PPP1R9A: variants seen among roughly 807,000 people sequenced by gnomAD.
The protein encoded by PPP1R9A is neurabin-1.
Under a neutral mutation model 141.9 loss-of-function variants are expected in PPP1R9A, and 59 were observed. The ratio of observed to expected loss-of-function variants is 0.42; its 90% CI spans 0.34 to 0.52. PPP1R9A has a LOEUF of 0.52. Ranked by LOEUF, PPP1R9A falls within the 20% of genes least tolerant of loss-of-function variation. PPP1R9A has a pLI of 0.10. For missense variants in PPP1R9A, 1,444 were observed against 1,611.9 expected (o/e 0.90, Z 1.78); for synonymous variants, 500 against 569.7 (o/e 0.88, Z 1.74).
intron 5 of PPP1R9A, among the ~76,000 whole-genome samples, chr7:95,163,226 C>A (rs1420415869): frequency 6.6e-6 from 1 of 152,168 alleles, no homozygotes; most frequent in Non-Finnish European, 1.5e-5. Flanking sequence ...ATAGCCATCC[C>A]TTTTTTCCCC....
intron 2 of PPP1R9A, among the ~76,000 whole-genome samples, chr7:95,033,655 T>G (rs1808025214): frequency 6.6e-6 from 1 of 152,218 alleles, no homozygotes; most frequent in Admixed American, 6.5e-5. Context: ...GTGTTCACAT[T>G]AAGTCCTGAA....
chr7:95,124,924 A>G (rs1823297460), intron 4 of PPP1R9A, among the ~76,000 whole-genome samples: 1 of 152,014 alleles, frequency 6.6e-6, no homozygotes, highest in South Asian at 2.1e-4. Flanking sequence ...CATTTTGAGT[A>G]GTTTAAAAAA....
At chr7:95,042,621 T>G (rs1809418286) in intron 2 of PPP1R9A, among the ~76,000 whole-genome samples, 1 of 152,164 alleles carries the variant, frequency 6.6e-6, no homozygotes, top group South Asian at 2.1e-4. Flanking sequence ...CAAAATAATA[T>G]CTTTCTGTTC....
At chr7:95,001,746 G>T (rs554251346) in intron 2 of PPP1R9A, among the ~76,000 whole-genome samples, 34 of 152,138 alleles carry the variant, frequency 2.2e-4, no homozygotes, top group African/African-American at 8.0e-4. Context: ...CTGAAAGCTG[G>T]AGCCTACATT....
At chr7:94,938,218 A>T (rs1374894572) in intron 2 of PPP1R9A, among the ~76,000 whole-genome samples, 4 of 152,214 alleles carry the variant, frequency 2.6e-5, no homozygotes, top group Middle Eastern at 3.4e-3. Context: ...CATGAACCCT[A>T]TTGTGAACTC....
intron 14 of PPP1R9A, among the ~76,000 whole-genome samples, chr7:95,272,333 A>G (rs1367283325): frequency 6.6e-6 from 1 of 152,228 alleles, no homozygotes; most frequent in Non-Finnish European, 1.5e-5. Flanking sequence ...AAGAAAATTT[A>G]AATCTTGCTT....
At chr7:95,195,806 T>A (rs2152846812) in intron 5 of PPP1R9A, among the ~76,000 whole-genome samples, 1 of 152,152 alleles carries the variant, frequency 6.6e-6, no homozygotes, top group Non-Finnish European at 1.5e-5. Context: ...ATCCCAGCAC[T>A]TTGGGGGGCC....
At chr7:94,979,770 C>A (rs1418140192) in intron 2 of PPP1R9A, among the ~76,000 whole-genome samples, 1 of 152,128 alleles carries the variant, frequency 6.6e-6, no homozygotes, top group Non-Finnish European at 1.5e-5. Flanking sequence ...GCAGATGTCT[C>A]CTATGTCCTA....
chr7:95,139,069 T>G (rs1422352388), intron 4 of PPP1R9A, among the ~76,000 whole-genome samples: 1 of 152,214 alleles, frequency 6.6e-6, no homozygotes, highest in Non-Finnish European at 1.5e-5. Context: ...TTATTCATAA[T>G]AGACAAAATC....
intron 2 of PPP1R9A, among the ~76,000 whole-genome samples, chr7:95,052,792 G>A (rs979186873): frequency 2.6e-5 from 4 of 152,170 alleles, no homozygotes; most frequent in Non-Finnish European, 5.9e-5. Flanking sequence ...ACTTAGGACA[G>A]CAATCTTGAA....
intron 5 of PPP1R9A, among the ~76,000 whole-genome samples, chr7:95,171,937 A>T (rs1832174281): frequency 6.6e-6 from 1 of 151,648 alleles, no homozygotes; most frequent in Non-Finnish European, 1.5e-5. Context: ...TCCAATAGCC[A>T]GGTGACATTT....
chr7:95,152,861 T>C (rs1828952176), intron 4 of PPP1R9A, among the ~76,000 whole-genome samples: 1 of 147,196 alleles, frequency 6.8e-6, no homozygotes, highest in African/African-American at 2.5e-5. Flanking sequence ...TTTTTTTTCT[T>C]TGAGGCAGAG....
At chr7:95,099,016 C>G (rs562953064) in intron 2 of PPP1R9A, among the ~76,000 whole-genome samples, 1 of 152,216 alleles carries the variant, frequency 6.6e-6, no homozygotes, top group Non-Finnish European at 1.5e-5. Context: ...CATGTGTGCA[C>G]ACACATACAC....
intron 2 of PPP1R9A, among the ~76,000 whole-genome samples, chr7:95,007,151 C>T (rs779379584): frequency 6.6e-6 from 1 of 152,170 alleles, no homozygotes; most frequent in Non-Finnish European, 1.5e-5. Flanking sequence ...CGTGAGCCAT[C>T]GTGCCCGGCC....
intron 3 of PPP1R9A, among the ~76,000 whole-genome samples, chr7:95,111,733 G>C (rs540157458): frequency 6.6e-6 from 1 of 152,120 alleles, no homozygotes; most frequent in African/African-American, 2.4e-5. Context: ...GCAGATGGTC[G>C]CTTTCTTTTG....
At chr7:94,921,363 C>T (rs952101578) in intron 2 of PPP1R9A, among the ~76,000 whole-genome samples, 7 of 151,020 alleles carry the variant, frequency 4.6e-5, no homozygotes, top group African/African-American at 1.5e-4. Flanking sequence ...AGGAGAATGG[C>T]GTGAACCCGG....
chr7:95,265,355 A>C (rs573523370), intron 12 of PPP1R9A, among the ~76,000 whole-genome samples: 7 of 152,338 alleles, frequency 4.6e-5, no homozygotes, highest in Non-Finnish European at 8.8e-5. Context: ...TGTGTGGTGC[A>C]AGTTAATACA....
intron 4 of PPP1R9A, among the ~76,000 whole-genome samples, chr7:95,130,741 G>T (rs1315759292): frequency 6.6e-6 from 1 of 152,210 alleles, no homozygotes; most frequent in Non-Finnish European, 1.5e-5. Context: ...ATGTGACCTG[G>T]ATGTGAGACA....
intron 2 of PPP1R9A, among the ~76,000 whole-genome samples, chr7:94,912,953 A>G (rs1791635541): frequency 6.6e-6 from 1 of 151,952 alleles, no homozygotes; most frequent in Non-Finnish European, 1.5e-5. Flanking sequence ...CCTTTCCCCC[A>G]AGCCTATCCA....
Sources: allele counts gnomAD v4.1 joint callset (sites outside exome capture counted in the v4.1 genomes callset), GRCh38; gene constraint gnomAD v4.1.1; transcripts MANE v1.5; gene names NCBI Gene and HGNC (gene_info 2026-07-23, HGNC 2026-07-21).